The following PRKN variants were observed in gnomAD, a reference collection of about 807,000 sequenced individuals.
PRKN encodes E3 ubiquitin-protein ligase parkin.
PRKN carries 56 observed loss-of-function variants against 59.5 expected under a neutral mutation model. That is an observed-to-expected ratio of 0.94 (90% CI 0.76 to 1.18). The LOEUF (loss-of-function observed/expected upper bound fraction) is 1.18. Among genes scored for constraint, PRKN ranks in the 50% most tolerant of loss-of-function variants. The pLI is 0.00. For missense variants in PRKN, 657 were observed against 596.4 expected, an observed-to-expected ratio of 1.10 and a Z score of -1.06; for synonymous variants, 250 against 222.1, an observed-to-expected ratio of 1.13 and a Z score of -1.12.
At chr6:161,437,660 G>C (rs1405315618) in intron 9 of PRKN, among the ~76,000 whole-genome samples, 1 of 152,098 alleles carries the variant, frequency 6.6e-6, no homozygotes, top group Non-Finnish European at 1.5e-5. Flanking sequence ...AGCTGGGACA[G>C]GCTGTGTATA....
At chr6:161,854,489 G>A (rs1397341933) in intron 6 of PRKN, among the ~76,000 whole-genome samples, 1 of 152,098 alleles carries the variant, frequency 6.6e-6, no homozygotes, top group East Asian at 1.9e-4. Context: ...GGCTATATTT[G>A]AAAAGTAGGT....
At chr6:161,443,309 CAAAA>C (rs145832867) in intron 9 of PRKN, among the ~76,000 whole-genome samples, 2 of 79,982 alleles carry the variant, frequency 2.5e-5, no homozygotes, top group East Asian at 7.0e-4. Flanking sequence ...GACTCCGTCT[CAAAA>C]AAAAAAAAAA....
At chr6:162,372,756 A>C (rs1042837377) in intron 2 of PRKN, among the ~76,000 whole-genome samples, 4 of 152,204 alleles carry the variant, frequency 2.6e-5, no homozygotes, top group African/African-American at 9.6e-5. Context: ...TAAATGAATA[A>C]ATAAAATTTT....
intron 9 of PRKN, among the ~76,000 whole-genome samples, chr6:161,392,005 T>G (rs576484849): frequency 6.6e-6 from 1 of 152,148 alleles, no homozygotes; most frequent in East Asian, 1.9e-4. Flanking sequence ...GATATACACA[T>G]ATATATGCAT....
intron 6 of PRKN, among the ~76,000 whole-genome samples, chr6:161,802,065 T>A (rs1477098351): frequency 6.6e-6 from 1 of 151,656 alleles, no homozygotes; most frequent in East Asian, 1.9e-4. Flanking sequence ...GTTGCAAGAA[T>A]GGAGAGGAGT....
At chr6:161,602,339 C>A (rs1467860658) in intron 7 of PRKN, among the ~76,000 whole-genome samples, 1 of 152,136 alleles carries the variant, frequency 6.6e-6, no homozygotes, top group Non-Finnish European at 1.5e-5. Flanking sequence ...ATAAAAAAAA[C>A]CTTCCACAGA....
chr6:162,312,810 G>C (rs1782578010), intron 2 of PRKN, among the ~76,000 whole-genome samples: 2 of 152,078 alleles, frequency 1.3e-5, no homozygotes, highest in South Asian at 4.1e-4. Context: ...GAAGATTCAA[G>C]GATTTCCCTT....
At chr6:161,452,418 C>A (rs1478139991) in intron 9 of PRKN, among the ~76,000 whole-genome samples, 1 of 152,150 alleles carries the variant, frequency 6.6e-6, no homozygotes, top group Non-Finnish European at 1.5e-5. Flanking sequence ...AATTTAATAT[C>A]CCTAGCCTCA....
chr6:162,706,766 A>G (rs1410741651), intron 1 of PRKN, among the ~76,000 whole-genome samples: 1 of 151,962 alleles, frequency 6.6e-6, no homozygotes, highest in African/African-American at 2.4e-5. Flanking sequence ...GTTTTTATCT[A>G]TTTCATTTTC....
At chr6:161,524,673 G>A (rs904241009) in intron 9 of PRKN, among the ~76,000 whole-genome samples, 1 of 152,070 alleles carries the variant, frequency 6.6e-6, no homozygotes, top group East Asian at 1.9e-4. Context: ...TCAAACAACC[G>A]TAACCTCATC....
intron 2 of PRKN, among the ~76,000 whole-genome samples, chr6:162,370,612 T>C (rs1265633237): frequency 6.6e-6 from 1 of 152,162 alleles, no homozygotes; most frequent in Non-Finnish European, 1.5e-5. Flanking sequence ...AGAAATGAAC[T>C]TACAAAAATG....
At chr6:161,433,399 T>C (rs1415705339) in intron 9 of PRKN, among the ~76,000 whole-genome samples, 1 of 81,934 alleles carries the variant, frequency 1.2e-5, no homozygotes, top group Non-Finnish European at 2.7e-5. Flanking sequence ...CTACTAATAA[T>C]TAATTTTAAT....
In PRKN at chr6:162,482,031, C is replaced by CTTA. The variant is rs756548113; in HGVS notation, c.8-38561_8-38559dup. ...CTTTTGCCCCTTTTCTTCTTTGGGT[C>CTTA]TTACCTTCCAGCATGCTTAAACTTC... On this transcript the variant is annotated intron_variant, in intron 1 of 11. Transcript: ENST00000366898. Among the ~76,000 whole-genome samples, 11 of 152,090 alleles carry CTTA rather than the reference C, an allele frequency of 7.2e-5. 1 individual carries two copies. Among genetic ancestry groups the CTTA allele is most frequent in the Admixed American group, 5.9e-4 (9 of 15,262 alleles).
chr6:161,960,522 T>C (rs1780342512), intron 6 of PRKN, among the ~76,000 whole-genome samples: 2 of 152,234 alleles, frequency 1.3e-5, no homozygotes, highest in South Asian at 2.1e-4. Context: ...CACATGTCTA[T>C]AAATAACTCT....
At chr6:161,785,339 A>C (rs1583162149) in intron 7 of PRKN, among the ~76,000 whole-genome samples, 1 of 152,180 alleles carries the variant, frequency 6.6e-6, no homozygotes, top group East Asian at 1.9e-4. Flanking sequence ...TAAGTAGTTC[A>C]GGTTTATCTC....
chr6:162,476,854 A>G (rs1320306437), intron 1 of PRKN, among the ~76,000 whole-genome samples: 2 of 152,184 alleles, frequency 1.3e-5, no homozygotes, highest in Non-Finnish European at 2.9e-5. Flanking sequence ...TACATAAGCA[A>G]AGGGAAGGGA....
intron 1 of PRKN, among the ~76,000 whole-genome samples, chr6:162,532,713 G>C (rs1031959161): frequency 2.6e-5 from 4 of 152,180 alleles, no homozygotes; most frequent in African/African-American, 9.7e-5. Flanking sequence ...TCTGGATTCT[G>C]AACACAGACT....
At position 162,086,299 on chromosome 6, in the gene PRKN, T is replaced by C. The variant is rs369537274; in HGVS notation, c.535-32125A>G. Among the ~76,000 whole-genome samples the C allele has an allele frequency of 1.8e-4, 28 of 152,260 alleles. 1 individual carries two copies. The East Asian group carries it at 4.8e-3, about 26-fold the overall frequency. On this transcript the variant is annotated intron_variant, in intron 4 of 11. Transcript: ENST00000366898. ...AGTCTCTGAGTGCATGAGTGGACTC[T>C]TTATGTTATCAGATTTATTGTTTTG...
intron 7 of PRKN, among the ~76,000 whole-genome samples, chr6:161,572,769 A>C (rs1023179821): frequency 1.3e-5 from 2 of 152,232 alleles, no homozygotes; most frequent in African/African-American, 4.8e-5. Context: ...GGAAAACCAG[A>C]TCCTTCAAGT....
Sources: gnomAD v4.1 joint callset for allele counts (sites outside exome capture counted in the v4.1 genomes callset) on GRCh38, gnomAD v4.1.1 for gene constraint, MANE v1.5 for transcripts, NCBI Gene and HGNC (gene_info 2026-07-23, HGNC 2026-07-21) for gene names.